MINAR1: variants seen among roughly 807,000 people sequenced by gnomAD.
MINAR1 encodes the protein membrane integral NOTCH2 associated receptor 1.
Under a neutral mutation model 65.1 loss-of-function variants are expected in MINAR1, and 40 were observed. That is an observed-to-expected ratio of 0.61 (90% CI 0.48 to 0.80). The LOEUF (loss-of-function observed/expected upper bound fraction) is 0.80. MINAR1 is among the 30% of genes least tolerant of loss of function. MINAR1 has a pLI of 0.00. For synonymous variants in MINAR1, 482 were observed against 449.1 expected (o/e 1.07, Z -0.93); for missense variants, 1,128 against 1,148.0 (o/e 0.98, Z 0.25).
intron 1 of MINAR1, among the ~76,000 whole-genome samples, chr15:79,441,895 GCTTT>G (rs1567051574): frequency 1.3e-5 from 2 of 151,892 alleles, no homozygotes; most frequent in Non-Finnish European, 2.9e-5. Flanking sequence ...GTTCTACTTT[GCTTT>G]ATTTATGATG....
At chr15:79,460,959 TCCA>T (rs1215552306) in intron 2 of MINAR1, among the ~76,000 whole-genome samples, 1 of 152,212 alleles carries the variant, frequency 6.6e-6, no homozygotes, top group African/African-American at 2.4e-5. Flanking sequence ...ATGTGAATCC[TCCA>T]CCAAGACTCT....
intron 1 of MINAR1, among the ~76,000 whole-genome samples, chr15:79,443,494 A>C (rs1311483425): frequency 1.3e-5 from 2 of 152,192 alleles, no homozygotes; most frequent in African/African-American, 4.8e-5. Context: ...CCGCTATCCC[A>C]AACCTGGTAT....
At chr15:79,431,818 T>C (rs912781903), upstream of MINAR1, among the ~76,000 whole-genome samples, 1 of 152,190 alleles carries the variant, frequency 6.6e-6, no homozygotes, top group Admixed American at 6.5e-5. Context: ...TTCCGCTCGC[T>C]TTCCCCTCGG....
intron 1 of MINAR1, among the ~76,000 whole-genome samples, chr15:79,440,256 A>G (rs551180140): frequency 6.6e-6 from 1 of 152,294 alleles, no homozygotes; most frequent in South Asian, 2.1e-4. Flanking sequence ...TTCCCGCATA[A>G]GGAGAAGATC....
upstream of MINAR1, among the ~76,000 whole-genome samples, chr15:79,428,325 C>T (rs1180752533): frequency 1.7e-5 from 2 of 114,316 alleles, no homozygotes; most frequent in African/African-American, 7.1e-5. Context: ...CTTCCTCCCT[C>T]CCTCCTCTAC....
In MINAR1 at chr15:79,456,403, G is replaced by A. The variant is rs1381193475; in HGVS notation, c.256G>A (p.Asp86Asn). 4 of 1,614,100 alleles carry A rather than the reference G, an allele frequency of 2.5e-6. No individual in the cohort carries two copies. The highest frequency in any genetic ancestry group is 3.4e-6 in the Non-Finnish European group (4 of 1,180,058). ...ATCAAAGAAAATCATGGTGGCAGCAGATATTGTGACGATATTCAACCTGAT... is the reference window on the plus strand; with the variant it reads ...ATCAAAGAAAATCATGGTGGCAGCAAATATTGTGACGATATTCAACCTGAT... ...QQSKKIMVAA[D>N]IVTIFNLIQM... Residue 86 changes from aspartate (D) to asparagine (N), a missense_variant, in exon 2 of 4, where the codon GAT becomes AAT. Transcript: ENST00000305428.
the MINAR1 span, chr15:79,425,961 C>T: frequency 1.3e-5 from 2 of 152,274 alleles, no homozygotes; most frequent in Non-Finnish European, 2.9e-5. Context: ...ACGCAGCTGT[C>T]CTGTCTGGGA....
chr15:79,435,151 C>A (rs893123449), intron 1 of MINAR1, among the ~76,000 whole-genome samples: 7 of 152,068 alleles, frequency 4.6e-5, no homozygotes, highest in African/African-American at 1.7e-4. Context: ...CGGTGCATGC[C>A]TGTAATCCCA....
At chr15:79,455,807 TTATG>T (rs1475727126) in intron 1 of MINAR1, among the ~76,000 whole-genome samples, 3 of 152,222 alleles carry the variant, frequency 2.0e-5, no homozygotes, top group African/African-American at 4.8e-5. Context: ...CATAACATGT[TTATG>T]TATTCTCCTA....
chr15:79,465,882 A>G (rs1460332127), intron 3 of MINAR1, among the ~76,000 whole-genome samples: 1 of 152,064 alleles, frequency 6.6e-6, no homozygotes, highest in Non-Finnish European at 1.5e-5. Flanking sequence ...AAGGGTGTTC[A>G]TGTTTTCATG....
intron 1 of MINAR1, among the ~76,000 whole-genome samples, chr15:79,452,244 ATG>A (rs758220399): frequency 6.6e-5 from 10 of 151,386 alleles, no homozygotes; most frequent in Non-Finnish European, 1.3e-4. Flanking sequence ...TGTTGTGTGT[ATG>A]TGCATGAGCG....
rs1896016748 is a variant in MINAR1, at chr15:79,469,935, A to G, written c.*1551A>G. The G allele has an allele frequency of 6.6e-6, 1 of 152,660 alleles. No homozygotes were observed. The highest frequency in any genetic ancestry group is 2.4e-5 in the African/African-American group (1 of 41,454). 9.5% of individuals were successfully genotyped at this position (152,660 alleles called of 1,614,324 possible). A position where few individuals can be genotyped will look rare whatever the true frequency, so the allele number is the denominator to read the frequency against. On this transcript the variant is annotated 3_prime_UTR_variant, in exon 4 of 4. Coordinates refer to ENST00000305428, the MANE Select transcript of MINAR1 (RefSeq NM_015206.3). ...CAATAGGAGTCTAGCATCCATTCTG[A>G]AAAATCGCAAATAATGCTTAGCTTG...
In MINAR1 at chr15:79,457,380, C is replaced by G. The variant is rs1344476617; in HGVS notation, c.1233C>G (p.Arg411=). 6.2e-6 allele frequency: 10 copies of G among 1,614,074 alleles called. No homozygotes were observed. Among genetic ancestry groups the G allele is most frequent in the Non-Finnish European group, 8.5e-6 (10 of 1,180,048 alleles). ...CCAATTTCCCAGCCCCAGAAAGGCG[C>G]CCAACTTACCTTGTGCCAAAGGATC... ...QTPNFPAPER[R]PTYLVPKDQQ... Residue 411 remains arginine, a synonymous_variant, in exon 2 of 4, where the codon CGC becomes CGG. Transcript: ENST00000305428.
chr15:79,461,182 A>G (rs1255621952), intron 2 of MINAR1, among the ~76,000 whole-genome samples: 1 of 152,252 alleles, frequency 6.6e-6, no homozygotes, highest in African/African-American at 2.4e-5. Context: ...AGTGATACGA[A>G]CAGGCATGGG....
chr15:79,461,421 T>C (rs747204126), intron 2 of MINAR1, among the ~76,000 whole-genome samples: 8 of 152,244 alleles, frequency 5.3e-5, no homozygotes, highest in Non-Finnish European at 1.2e-4. Flanking sequence ...CAATTATGCC[T>C]GCAGTGGCTA....
chr15:79,415,237 G>C, the MINAR1 span: 2 of 152,232 alleles, frequency 1.3e-5, no homozygotes, highest in Non-Finnish European at 2.9e-5. Context: ...CTGGAATAGG[G>C]ACAGGCACAC....
chr15:79,456,104 C>T lies in MINAR1; in HGVS notation c.-44C>T, dbSNP rs549256659. On this transcript the variant is annotated 5_prime_UTR_variant, in exon 2 of 4. Transcript: ENST00000305428. Reference sequence around the variant, plus strand: ...CTCAATATTGCCACCACAGAACTGACCTGAAGTTTCAGTGTAGTCAGAGAG... The same window carrying T: ...CTCAATATTGCCACCACAGAACTGATCTGAAGTTTCAGTGTAGTCAGAGAG... 1 of 1,585,428 alleles carries T rather than the reference C, an allele frequency of 6.3e-7. No individual in the cohort carries two copies. The highest frequency in any genetic ancestry group is 2.2e-5 in the East Asian group (1 of 44,568).
intron 3 of MINAR1, among the ~76,000 whole-genome samples, chr15:79,464,082 C>T (rs1332630648): frequency 6.6e-6 from 1 of 152,122 alleles, no homozygotes; most frequent in East Asian, 1.9e-4. Flanking sequence ...TATGGCAAGG[C>T]TTCCCTGAAA....
chr15:79,463,644 T>A, intron 3 of MINAR1: 1 of 548,856 alleles, frequency 1.8e-6, no homozygotes, highest in Non-Finnish European at 3.5e-6. Flanking sequence ...TCACAAGACC[T>A]GAGCCAAACT....
Sources: allele counts gnomAD v4.1 joint callset (sites outside exome capture counted in the v4.1 genomes callset), GRCh38; gene constraint gnomAD v4.1.1; transcripts MANE v1.5; gene names NCBI Gene and HGNC (gene_info 2026-07-23, HGNC 2026-07-21).